Variants in GNB5 observed in about 807,000 individuals in gnomAD.
GNB5 encodes guanine nucleotide-binding protein subunit beta-5.
Under a neutral mutation model 55.3 loss-of-function variants are expected in GNB5, and 37 were observed. The observed-to-expected ratio is 0.67, with a 90% CI of 0.51 to 0.88. The LOEUF (loss-of-function observed/expected upper bound fraction) is 0.88. Among genes scored for constraint, GNB5 ranks in the 40% least tolerant of loss-of-function variants. The probability of loss-of-function intolerance (pLI) is 0.00; values close to 1 mark genes in which losing one functional copy is unlikely to be tolerated. For synonymous variants in GNB5, 219 were observed against 198.5 expected (o/e 1.10, Z -0.87); for missense variants, 476 against 515.3 (o/e 0.92, Z 0.74).
intron 7 of GNB5, chr15:52,137,555 C>G (rs2033753504): frequency 9.7e-7 from 1 of 1,036,170 alleles, no homozygotes; most frequent in Non-Finnish European, 1.2e-6. Context: ...GCCCAAAGAG[C>G]CTCTGGATAG....
At chr15:52,127,511 T>C in intron 10 of GNB5, among the ~76,000 whole-genome samples, 1 of 152,130 alleles carries the variant, frequency 6.6e-6, no homozygotes, top group East Asian at 1.9e-4. Flanking sequence ...TGTTACAATA[T>C]ATTTCCATAT....
chr15:52,161,814 C>T (rs913763392), intron 3 of GNB5, among the ~76,000 whole-genome samples: 1 of 152,212 alleles, frequency 6.6e-6, no homozygotes, highest in Admixed American at 6.5e-5. Flanking sequence ...ACATGATGGA[C>T]GGGTCCCAAC....
chr15:52,130,529 T>C (rs1443923589), intron 9 of GNB5, among the ~76,000 whole-genome samples: 4 of 152,258 alleles, frequency 2.6e-5, no homozygotes, highest in Non-Finnish European at 5.9e-5. Flanking sequence ...TATGTCTCCA[T>C]TTATCAACAT....
At chr15:52,181,364 C>G (rs1014141913) in intron 2 of GNB5, among the ~76,000 whole-genome samples, 1 of 152,036 alleles carries the variant, frequency 6.6e-6, no homozygotes, top group African/African-American at 2.4e-5. Context: ...ACCTGTAATC[C>G]CAACACTTCG....
At chr15:52,133,526 G>C (rs931757189) in intron 8 of GNB5, 57 bp from the exon 9 acceptor site, 1 of 1,079,540 alleles carries the variant, frequency 9.3e-7, no homozygotes, top group Non-Finnish European at 1.4e-6. Flanking sequence ...TATAGACAAG[G>C]CACGAGTCCC....
At chr15:52,124,005 C>CA (rs56008657) in intron 12 of GNB5, among the ~76,000 whole-genome samples, 10,696 of 84,144 alleles carry the variant, frequency 0.13, 962 homozygotes, top group African/African-American at 0.31. Context: ...ATAGAAAAAC[C>CA]AAAAAAAAAA....
In GNB5 at chr15:52,184,419, C is replaced by T. The variant is rs117030494; in HGVS notation, c.126+132G>A. The T allele has an allele frequency of 5.4e-4, 389 of 726,466 alleles. 6 individuals are homozygous for T. The East Asian group carries it at 0.01, about 19-fold the overall frequency. The allele number at this position is 726,466 out of a possible 1,614,324, so 45.0% of individuals were successfully genotyped here. On this transcript the variant is annotated intron_variant, in intron 2 of 12. Coordinates refer to ENST00000261837, the MANE Select transcript of GNB5 (RefSeq NM_016194.4). ...CCACACCCTGAACCTCTGTACTATA[C>T]TGCCTCACCAAGCCCAGGCATACTG...
chr15:52,137,982 C>T, intron 7 of GNB5: 1 of 1,286,066 alleles, frequency 7.8e-7, no homozygotes, highest in Non-Finnish European at 1.0e-6. Context: ...TTATGCACCG[C>T]TAGCATGCAA....
chr15:52,128,483 C>A, intron 9 of GNB5: 1 of 617,054 alleles, frequency 1.6e-6, no homozygotes, highest in South Asian at 1.9e-5. Flanking sequence ...ATATCAGGCA[C>A]AGAACACAGA....
Position 52,117,319 on chromosome 15 carries a change from T to C in GNB5, c.*5438A>G, listed in dbSNP as rs1216867157. ...GCAATGCCCTACTTTTGATTAAATATCTTTAGCGAGCCTGTCTTTGTTATT... is the reference window on the plus strand; with the variant it reads ...GCAATGCCCTACTTTTGATTAAATACCTTTAGCGAGCCTGTCTTTGTTATT... On this transcript the variant is annotated 3_prime_UTR_variant, in exon 13 of 13. Coordinates refer to ENST00000261837, the MANE Select transcript of GNB5 (RefSeq NM_016194.4). The C allele has an allele frequency of 2.0e-5, 3 of 151,936 alleles. No homozygotes were observed. The highest frequency in any genetic ancestry group is 4.4e-5 in the Non-Finnish European group (3 of 67,988). 9.4% of individuals were successfully genotyped at this position (151,936 alleles called of 1,614,324 possible). A position where few individuals can be genotyped will look rare whatever the true frequency, so the allele number is the denominator to read the frequency against.
In GNB5 at chr15:52,119,533, G is replaced by C. The variant is rs530398798; in HGVS notation, c.*3224C>G. ...AGGGGAAGGGAAGAGAAAGAGGGAA[G>C]ATAGGTGGAGGGAGAAGGGAGGGGG... On this transcript the variant is annotated 3_prime_UTR_variant, in exon 13 of 13. Transcript: ENST00000261837. The C allele has an allele frequency of 2.2e-5, 3 of 137,616 alleles. No individual in the cohort carries two copies. Among genetic ancestry groups the C allele is most frequent in the African/African-American group, 8.3e-5 (3 of 36,220 alleles). The allele number at this position is 137,616 out of a possible 1,614,324, so 8.5% of individuals were successfully genotyped here.
At chr15:52,159,712 G>A (rs774284010) in intron 3 of GNB5, among the ~76,000 whole-genome samples, 4 of 152,190 alleles carry the variant, frequency 2.6e-5, no homozygotes, top group Non-Finnish European at 4.4e-5. Flanking sequence ...AAAAGAGTAA[G>A]ACAGTCTCTG....
intron 3 of GNB5, among the ~76,000 whole-genome samples, chr15:52,161,283 A>C (rs545151612): frequency 2.8e-4 from 43 of 152,266 alleles, no homozygotes; most frequent in Non-Finnish European, 5.4e-4. Context: ...GAGACATCCT[A>C]ACTTTGGATC....
intron 7 of GNB5, among the ~76,000 whole-genome samples, chr15:52,136,172 A>ACACACACACACACACACACAC (rs1168734914): frequency 5.0e-5 from 5 of 100,118 alleles, no homozygotes; most frequent in African/African-American, 1.3e-4. Context: ...ACACACACAC[A>ACACACACACACACACACACAC]CCCTACCTGC....
At chr15:52,171,528 T>C (rs1031016177) in intron 3 of GNB5, among the ~76,000 whole-genome samples, 3 of 152,164 alleles carry the variant, frequency 2.0e-5, no homozygotes, top group African/African-American at 4.8e-5. Context: ...AGTATAACAG[T>C]GAATGCAGAG....
chr15:52,171,874 T>C (rs2034560529), intron 3 of GNB5, among the ~76,000 whole-genome samples: 1 of 152,244 alleles, frequency 6.6e-6, no homozygotes, highest in Admixed American at 6.5e-5. Flanking sequence ...AATACATCCT[T>C]CTATCAAATT....
intron 3 of GNB5, among the ~76,000 whole-genome samples, chr15:52,178,607 ACT>A (rs145894410): frequency 0.049 from 7,482 of 152,100 alleles, 233 homozygotes; most frequent in African/African-American, 0.087. Context: ...AAGAAAAGTA[ACT>A]CTCAATTTGC....
At chr15:52,161,379 C>T (rs2034328045) in intron 3 of GNB5, among the ~76,000 whole-genome samples, 1 of 152,176 alleles carries the variant, frequency 6.6e-6, no homozygotes. Flanking sequence ...CTCACTGCAA[C>T]CTCCACCTTC....
intron 3 of GNB5, among the ~76,000 whole-genome samples, chr15:52,163,056 T>C (rs1347842127): frequency 6.6e-6 from 1 of 151,188 alleles, no homozygotes; most frequent in Non-Finnish European, 1.5e-5. Flanking sequence ...GGTGGGGAGA[T>C]GGCCCACCCG....
Sources: gnomAD v4.1 joint callset for allele counts (sites outside exome capture counted in the v4.1 genomes callset) on GRCh38, gnomAD v4.1.1 for gene constraint, MANE v1.5 for transcripts, NCBI Gene and HGNC (gene_info 2026-07-23, HGNC 2026-07-21) for gene names.